MSRB3: variants seen among roughly 807,000 people sequenced by gnomAD.
MSRB3 encodes methionine-R-sulfoxide reductase B3.
In MSRB3, 13 loss-of-function variants were observed where a neutral mutation model predicts 21.0. The ratio of observed to expected loss-of-function variants is 0.62; its 90% CI spans 0.40 to 0.98. The LOEUF (loss-of-function observed/expected upper bound fraction) is 0.98, where lower values mean the gene tolerates loss of function less well. MSRB3 is among the 50% of genes least tolerant of loss of function. MSRB3 has a pLI of 0.00. For synonymous variants in MSRB3, 87 were observed against 88.6 expected (o/e 0.98, Z 0.10); for missense variants, 199 against 230.3 (o/e 0.86, Z 0.88).
intron 4 of MSRB3, among the ~76,000 whole-genome samples, chr12:65,361,403 A>G (rs1877695759): frequency 6.6e-6 from 1 of 152,098 alleles, no homozygotes; most frequent in Non-Finnish European, 1.5e-5. Flanking sequence ...CTCCTTTCCC[A>G]CAACTGTTAC....
intron 4 of MSRB3, among the ~76,000 whole-genome samples, chr12:65,364,758 CTGTG>C (rs1877909496): frequency 6.6e-6 from 1 of 152,144 alleles, no homozygotes; most frequent in Admixed American, 6.5e-5. Context: ...CTTTGTATCT[CTGTG>C]TGTTTAAGTC....
At chr12:65,346,490 T>C (rs1310224479) in intron 4 of MSRB3, among the ~76,000 whole-genome samples, 2 of 152,196 alleles carry the variant, frequency 1.3e-5, no homozygotes, top group African/African-American at 4.8e-5. Context: ...TATTAGCCCT[T>C]TGTCAGATGA....
At chr12:65,458,777 T>A (rs1029003989) in intron 6 of MSRB3, among the ~76,000 whole-genome samples, 32 of 152,248 alleles carry the variant, frequency 2.1e-4, no homozygotes, top group African/African-American at 7.7e-4. Context: ...TCCCTCCAGC[T>A]GCAGCCATCT....
intron 5 of MSRB3, among the ~76,000 whole-genome samples, chr12:65,396,189 A>G (rs1430242247): frequency 6.6e-6 from 1 of 152,156 alleles, no homozygotes; most frequent in Non-Finnish European, 1.5e-5. Flanking sequence ...ATATTTTGAT[A>G]AGTTGTATTT....
At chr12:65,334,911 C>A (rs1875660872) in intron 4 of MSRB3, among the ~76,000 whole-genome samples, 1 of 152,170 alleles carries the variant, frequency 6.6e-6, no homozygotes, top group Admixed American at 6.5e-5. Context: ...TTTCACTAAT[C>A]TTTTCTTTAA....
intron 4 of MSRB3, among the ~76,000 whole-genome samples, chr12:65,345,836 G>C (rs548189156): frequency 6.6e-6 from 1 of 151,920 alleles, no homozygotes; most frequent in Admixed American, 6.6e-5. Flanking sequence ...GTGGTGTTTG[G>C]TTTTTTTGTC....
chr12:65,346,504 G>A lies in MSRB3; in HGVS notation c.263+17901G>A, dbSNP rs1592546598. ...ATATTAGCCCTTTGTCAGATGAGTA[G>A]ATTGCAAAAATTTTCTCCCATTCTG... On this transcript the variant is annotated intron_variant, in intron 4 of 6. Coordinates refer to ENST00000308259, the MANE Select transcript of MSRB3 (RefSeq NM_001031679.3). Among the ~76,000 whole-genome samples the A allele has an allele frequency of 2.0e-5, 3 of 152,206 alleles. No homozygotes were observed. In the South Asian group the frequency reaches 6.2e-4, roughly 32 times the overall value.
intron 4 of MSRB3, among the ~76,000 whole-genome samples, chr12:65,362,413 C>T (rs1302119592): frequency 6.6e-6 from 1 of 152,150 alleles, no homozygotes; most frequent in Non-Finnish European, 1.5e-5. Flanking sequence ...CTCCTTGTAC[C>T]AGTCACTGAC....
At chr12:65,390,916 A>G (rs1260126525) in intron 5 of MSRB3, among the ~76,000 whole-genome samples, 1 of 152,224 alleles carries the variant, frequency 6.6e-6, no homozygotes. Flanking sequence ...ATATATATTA[A>G]TTCCTAATCC....
intron 5 of MSRB3, among the ~76,000 whole-genome samples, chr12:65,408,608 A>G (rs936087752): frequency 2.0e-5 from 3 of 152,178 alleles, no homozygotes; most frequent in South Asian, 2.1e-4. Context: ...GTGGTAAGAT[A>G]TGGGGACGGG....
chr12:65,413,577 T>G (rs1261375504), intron 5 of MSRB3, among the ~76,000 whole-genome samples: 1 of 152,156 alleles, frequency 6.6e-6, no homozygotes, highest in African/African-American at 2.4e-5. Context: ...TCATCCCTCA[T>G]TCAGTAATCC....
intron 5 of MSRB3, chr12:65,419,667 C>T (rs1881174779): frequency 1.4e-6 from 1 of 721,400 alleles, no homozygotes; most frequent in African/African-American, 1.7e-5. Flanking sequence ...GGGGTCCTGT[C>T]TTCTCCAGGT....
chr12:65,290,542 T>A (rs931036150), intron 1 of MSRB3, among the ~76,000 whole-genome samples: 6 of 152,210 alleles, frequency 3.9e-5, no homozygotes, highest in Admixed American at 3.3e-4. Flanking sequence ...TTTCCATGAT[T>A]TTGTTCTACA....
At chr12:65,422,961 C>CTT (rs141803317) in intron 5 of MSRB3, among the ~76,000 whole-genome samples, 39,490 of 124,182 alleles carry the variant, frequency 0.32, 6,856 homozygotes, top group Middle Eastern at 0.46. Flanking sequence ...TTAGGGTTTT[C>CTT]TTTTTTTTTT....
intron 5 of MSRB3, among the ~76,000 whole-genome samples, chr12:65,435,906 T>C (rs1478937980): frequency 1.3e-5 from 2 of 151,908 alleles, no homozygotes; most frequent in African/African-American, 2.4e-5. Flanking sequence ...ATTTTTTCAA[T>C]AATAGATGTG....
At chr12:65,455,748 TG>T (rs561369426) in intron 6 of MSRB3, among the ~76,000 whole-genome samples, 2 of 152,224 alleles carry the variant, frequency 1.3e-5, no homozygotes, top group South Asian at 2.1e-4. Context: ...GGGTTTTTTT[TG>T]TTTTTGAAAT....
intron 5 of MSRB3, among the ~76,000 whole-genome samples, chr12:65,371,943 A>G (rs2136539698): frequency 6.6e-6 from 1 of 152,304 alleles, no homozygotes; most frequent in South Asian, 2.1e-4. Context: ...AAAAGTAGAA[A>G]GTATAGTGTG....
intron 5 of MSRB3, among the ~76,000 whole-genome samples, chr12:65,387,787 A>C (rs1318452125): frequency 1.3e-5 from 2 of 152,198 alleles, no homozygotes; most frequent in Non-Finnish European, 2.9e-5. Context: ...TACATTAATG[A>C]TGCTGCTGCT....
At chr12:65,396,806 A>G (rs1879844435) in intron 5 of MSRB3, among the ~76,000 whole-genome samples, 1 of 152,096 alleles carries the variant, frequency 6.6e-6, no homozygotes, top group African/African-American at 2.4e-5. Context: ...CTTGGTAAAT[A>G]TTTCATCTTA....
Sources: allele counts gnomAD v4.1 joint callset (sites outside exome capture counted in the v4.1 genomes callset), GRCh38; gene constraint gnomAD v4.1.1; transcripts MANE v1.5; gene names NCBI Gene and HGNC (gene_info 2026-07-23, HGNC 2026-07-21).